Variants in LAMA4 observed in about 807,000 individuals in gnomAD.
LAMA4 encodes the protein laminin subunit alpha 4, also known as laminin subunit alpha-4.
LAMA4 carries 127 observed loss-of-function variants against 207.1 expected under a neutral mutation model. That is an observed-to-expected ratio of 0.61 (90% CI 0.53 to 0.71). The LOEUF (loss-of-function observed/expected upper bound fraction) is 0.71. LAMA4 is among the 30% of genes least tolerant of loss of function. LAMA4 has a pLI of 0.00. For missense variants in LAMA4, 2,093 were observed against 2,246.5 expected, an observed-to-expected ratio of 0.93 and a Z score of 1.38; for synonymous variants, 761 against 816.0, an observed-to-expected ratio of 0.93 and a Z score of 1.15.
intron 2 of LAMA4, chr6:112,234,644 T>C (rs1785775669): frequency 2.0e-5 from 3 of 150,634 alleles, no homozygotes; most frequent in African/African-American, 4.9e-5. Context: ...CAGATGAAGA[T>C]CTAATGTCAT....
At chr6:112,193,849 A>T (rs909725566) in intron 5 of LAMA4, among the ~76,000 whole-genome samples, 13 of 152,232 alleles carry the variant, frequency 8.5e-5, no homozygotes, top group African/African-American at 2.4e-5. Context: ...TTCATCCAAC[A>T]CAAGGACAAT....
chr6:112,215,193 G>C (rs1409548899), intron 3 of LAMA4, among the ~76,000 whole-genome samples: 1 of 152,196 alleles, frequency 6.6e-6, no homozygotes, highest in African/African-American at 2.4e-5. Flanking sequence ...CCTACACTGT[G>C]ACAGAGGACA....
chr6:112,251,855 TCAA>T (rs1787482951), intron 2 of LAMA4, among the ~76,000 whole-genome samples: 1 of 152,232 alleles, frequency 6.6e-6, no homozygotes, highest in African/African-American at 2.4e-5. Context: ...TTTCTGTTTT[TCAA>T]AACTGAAGGC....
intron 2 of LAMA4, among the ~76,000 whole-genome samples, chr6:112,222,957 A>G (rs1000047452): frequency 5.3e-5 from 8 of 152,208 alleles, no homozygotes; most frequent in Non-Finnish European, 1.0e-4. Context: ...AATTATTTAA[A>G]GTAATTGTCA....
At chr6:112,204,019 G>A (rs1478967082) in intron 4 of LAMA4, among the ~76,000 whole-genome samples, 4 of 152,136 alleles carry the variant, frequency 2.6e-5, no homozygotes, top group Non-Finnish European at 5.9e-5. Flanking sequence ...TTCCACAGTT[G>A]GCAACTTTTG....
chr6:112,167,647 G>A (rs183272116), intron 12 of LAMA4, among the ~76,000 whole-genome samples: 1 of 152,254 alleles, frequency 6.6e-6, no homozygotes, highest in East Asian at 1.9e-4. Flanking sequence ...TTGTGATCAT[G>A]AAGAACCAGT....
chr6:112,171,677 C>CAA (rs56725081), intron 12 of LAMA4: 7 of 140,490 alleles, frequency 5.0e-5, no homozygotes, highest in Non-Finnish European at 6.3e-5. Context: ...ATTCATTTAG[C>CAA]AAAAAAAAAA....
intron 2 of LAMA4, among the ~76,000 whole-genome samples, chr6:112,244,024 C>T (rs1786725435): frequency 6.6e-6 from 1 of 152,084 alleles, no homozygotes; most frequent in Admixed American, 6.6e-5. Flanking sequence ...CACCACTGCA[C>T]CCCAGCCTGG....
intron 13 of LAMA4, among the ~76,000 whole-genome samples, chr6:112,160,599 C>T (rs1017362087): frequency 5.3e-5 from 8 of 152,180 alleles, no homozygotes; most frequent in African/African-American, 1.9e-4. Flanking sequence ...TGACATTTTC[C>T]CATCCTTATT....
At chr6:112,237,845 C>T (rs552818842) in intron 2 of LAMA4, among the ~76,000 whole-genome samples, 23 of 152,336 alleles carry the variant, frequency 1.5e-4, no homozygotes, top group African/African-American at 4.6e-4. Flanking sequence ...TGGATGGTTA[C>T]CAATGCACGA....
chr6:112,158,003 A>G (rs1224458595), intron 14 of LAMA4: 1 of 152,170 alleles, frequency 6.6e-6, no homozygotes, highest in African/African-American at 2.4e-5. Context: ...ATTGGTTCTT[A>G]TTTTATTAAT....
chr6:112,153,571 A>C (rs1194758661), intron 16 of LAMA4, among the ~76,000 whole-genome samples: 1 of 152,186 alleles, frequency 6.6e-6, no homozygotes, highest in Non-Finnish European at 1.5e-5. Context: ...CAATAACTCA[A>C]TAATGACAAG....
chr6:112,185,816 G>C (rs1782651218), intron 8 of LAMA4, among the ~76,000 whole-genome samples: 1 of 152,100 alleles, frequency 6.6e-6, no homozygotes, highest in East Asian at 1.9e-4. Context: ...CATTTTCGAG[G>C]AGTTGGGTCT....
chr6:112,203,669 T>C (rs577706615), intron 4 of LAMA4, among the ~76,000 whole-genome samples: 9 of 152,322 alleles, frequency 5.9e-5, no homozygotes, highest in Non-Finnish European at 1.3e-4. Flanking sequence ...AGCAAGGGAT[T>C]CAAGAAGTAG....
At chr6:112,169,918 C>T (rs1384310891) in intron 12 of LAMA4, among the ~76,000 whole-genome samples, 1 of 152,258 alleles carries the variant, frequency 6.6e-6, no homozygotes, top group East Asian at 1.9e-4. Context: ...TTTGCACACA[C>T]CCTGACATTT....
rs1003124409 is a variant in LAMA4, at chr6:112,179,343, A to G, written c.1078-1111T>C. ...CACAGAAATGATTCAAGGCTAGGAC[A>G]CCACCCTGTATGCACAGCATGGGCG... On this transcript the variant is annotated intron_variant, in intron 9 of 38. Coordinates refer to ENST00000230538, the MANE Select transcript of LAMA4 (RefSeq NM_001105206.3). 3 of 152,266 alleles carry G rather than the reference A, an allele frequency of 2.0e-5. No homozygotes were observed. In the East Asian group the frequency reaches 5.8e-4, roughly 29 times the overall value. 9.4% of individuals were successfully genotyped at this position (152,266 alleles called of 1,614,324 possible). A position where few individuals can be genotyped will look rare whatever the true frequency, so the allele number is the denominator to read the frequency against.
chr6:112,254,361 C>T (rs1265115146), intron 1 of LAMA4, 70 bp from the exon 2 acceptor site: 7 of 612,152 alleles, frequency 1.1e-5, no homozygotes, highest in South Asian at 3.9e-5. Context: ...CTCTCTCTCC[C>T]CTTCTCCCCC....
chr6:112,225,608 G>A (rs1407298843), intron 2 of LAMA4, among the ~76,000 whole-genome samples: 3 of 152,132 alleles, frequency 2.0e-5, no homozygotes, highest in African/African-American at 7.2e-5. Context: ...TCTCAAGTGA[G>A]ATTGACCTTA....
intron 21 of LAMA4, 104 bp downstream of exon 21, chr6:112,141,254 C>A: frequency 9.0e-7 from 1 of 1,111,514 alleles, no homozygotes; most frequent in Non-Finnish European, 1.4e-6. Context: ...ATAACATCCA[C>A]AGGAAGACTG....
Sources: allele counts gnomAD v4.1 joint callset (sites outside exome capture counted in the v4.1 genomes callset), GRCh38; gene constraint gnomAD v4.1.1; transcripts MANE v1.5; gene names NCBI Gene and HGNC (gene_info 2026-07-23, HGNC 2026-07-21).